TTC7B: variants seen among roughly 807,000 people sequenced by gnomAD.
TTC7B encodes tetratricopeptide repeat domain 7B.
In TTC7B, 28 loss-of-function variants were observed where a neutral mutation model predicts 106.8. The ratio of observed to expected loss-of-function variants is 0.26; its 90% CI spans 0.19 to 0.36. The LOEUF is 0.36. TTC7B is among the 10% of genes least tolerant of loss of function. The pLI, the probability that TTC7B is intolerant of heterozygous loss-of-function variation, is 1.00. For missense variants in TTC7B, 862 were observed against 1,076.4 expected, an observed-to-expected ratio of 0.80 and a Z score of 2.79; for synonymous variants, 405 against 430.6, an observed-to-expected ratio of 0.94 and a Z score of 0.74.
At chr14:90,745,149 C>T (rs960623338) in intron 3 of TTC7B, among the ~76,000 whole-genome samples, 3 of 151,768 alleles carry the variant, frequency 2.0e-5, no homozygotes, top group African/African-American at 4.8e-5. Flanking sequence ...TGACAGCAAC[C>T]GCCAGCTGTG....
In TTC7B at chr14:90,786,389, C is replaced by T; in HGVS notation, c.122-61G>A. ...GAATGGCCTGCATGTAGGACCCCCT[C>T]ACTCAAGGGACCCCAGAACCACCAC... On this transcript the variant is annotated intron_variant, in intron 1 of 19. Coordinates refer to ENST00000328459, the MANE Select transcript of TTC7B (RefSeq NM_001010854.2). 3.1e-6 allele frequency: 5 copies of T among 1,594,378 alleles called. No individual in the cohort carries two copies. In the South Asian group the frequency reaches 5.6e-5, roughly 18 times the overall value.
intron 5 of TTC7B, among the ~76,000 whole-genome samples, chr14:90,716,938 G>A (rs1888679358): frequency 6.6e-6 from 1 of 152,104 alleles, no homozygotes; most frequent in African/African-American, 2.4e-5. Context: ...AAAAGATACA[G>A]CGTGTCCACA....
intron 1 of TTC7B, among the ~76,000 whole-genome samples, chr14:90,799,734 C>CT (rs1464924664): frequency 6.6e-6 from 1 of 152,140 alleles, no homozygotes; most frequent in African/African-American, 2.4e-5. Flanking sequence ...GGCAGGTAAG[C>CT]ACAGACTGTG....
chr14:90,621,663 G>A (rs188291313), intron 15 of TTC7B, among the ~76,000 whole-genome samples: 1 of 152,364 alleles, frequency 6.6e-6, no homozygotes, highest in African/African-American at 2.4e-5. Context: ...ACAATGGGCA[G>A]AAACACCTGC....
chr14:90,775,277 G>A (rs928014002), intron 3 of TTC7B, among the ~76,000 whole-genome samples: 20 of 152,118 alleles, frequency 1.3e-4, no homozygotes, highest in African/African-American at 4.8e-4. Flanking sequence ...CACATTTGTT[G>A]ATCTGCCGGG....
chr14:90,816,359 T>C lies in TTC7B; in HGVS notation c.-64A>G. The C allele has an allele frequency of 1.2e-6, 1 of 866,564 alleles. No individual in the cohort carries two copies. The allele number at this position is 866,564 out of a possible 1,614,324, so 53.7% of individuals were successfully genotyped here. A position where few individuals can be genotyped will look rare whatever the true frequency, so the allele number is the denominator to read the frequency against. ...CCACCGCCGCCGCCGCGGCGCCCCC[T>C]CGCCGCCTCCCGCCGCCGCCGCGGG... On this transcript the variant is annotated 5_prime_UTR_variant, in exon 1 of 20. Coordinates refer to ENST00000328459, the MANE Select transcript of TTC7B (RefSeq NM_001010854.2).
chr14:90,715,650 G>T (rs1463291073), intron 5 of TTC7B, among the ~76,000 whole-genome samples: 1 of 152,148 alleles, frequency 6.6e-6, no homozygotes, highest in Non-Finnish European at 1.5e-5. Context: ...AGGTCACACT[G>T]CTGGTCAACA....
intron 4 of TTC7B, among the ~76,000 whole-genome samples, chr14:90,739,003 C>T (rs919747671): frequency 6.6e-6 from 1 of 152,056 alleles, no homozygotes; most frequent in Non-Finnish European, 1.5e-5. Context: ...CCAGCCTGGG[C>T]GACAGAGCAA....
chr14:90,565,882 C>T (rs2139789529), intron 19 of TTC7B, among the ~76,000 whole-genome samples: 1 of 152,212 alleles, frequency 6.6e-6, no homozygotes, highest in African/African-American at 2.4e-5. Flanking sequence ...GCAGTCAGGA[C>T]CACATTTATT....
chr14:90,652,395 G>T (rs1189812796), intron 13 of TTC7B, among the ~76,000 whole-genome samples: 1 of 151,724 alleles, frequency 6.6e-6, no homozygotes, highest in Non-Finnish European at 1.5e-5. Context: ...GGGGAGTTTG[G>T]GGCTGACTGT....
intron 1 of TTC7B, among the ~76,000 whole-genome samples, chr14:90,801,983 C>T (rs1332186735): frequency 6.6e-6 from 1 of 151,874 alleles, no homozygotes; most frequent in Non-Finnish European, 1.5e-5. Flanking sequence ...ATCGCTTGAA[C>T]CCTGGAGGTG....
chr14:90,609,709 A>G (rs1030774285), intron 17 of TTC7B, among the ~76,000 whole-genome samples: 2 of 152,208 alleles, frequency 1.3e-5, no homozygotes, highest in Non-Finnish European at 2.9e-5. Context: ...GTGGGGGAGA[A>G]GGAACAGGAG....
chr14:90,732,774 G>A (rs948946128), intron 4 of TTC7B, among the ~76,000 whole-genome samples: 12 of 151,884 alleles, frequency 7.9e-5, no homozygotes, highest in Non-Finnish European at 1.8e-4. Context: ...GAGCCACTGC[G>A]CCCAGCTCCT....
At chr14:90,589,400 A>G (rs1192775662) in intron 18 of TTC7B, among the ~76,000 whole-genome samples, 1 of 152,190 alleles carries the variant, frequency 6.6e-6, no homozygotes. Flanking sequence ...AAATTATCCT[A>G]TGCACATCCT....
At position 90,663,024 on chromosome 14, in the gene TTC7B, C is replaced by T. The variant is rs985160451; in HGVS notation, c.1153-4637G>A. 6.6e-6 allele frequency among the ~76,000 whole-genome samples: 1 copy of T among 152,194 alleles called. No homozygotes were observed. The highest frequency in any genetic ancestry group is 2.1e-4 in the South Asian group (1 of 4,836). On this transcript the variant is annotated intron_variant, in intron 9 of 19. Coordinates refer to ENST00000328459, the MANE Select transcript of TTC7B (RefSeq NM_001010854.2). The surrounding 1 kb of genome is among the most constrained non-coding windows in gnomAD (Gnocchi z 4.5). The stretch of plus-strand genomic sequence containing the variant: ...GAGGGCACAACTTTACAGAACTGGA[C>T]CGGAATGTACGCTTATTCTTTATTA...
At chr14:90,586,237 C>T (rs1333636234) in intron 18 of TTC7B, among the ~76,000 whole-genome samples, 1 of 152,188 alleles carries the variant, frequency 6.6e-6, no homozygotes, top group African/African-American at 2.4e-5. Flanking sequence ...GACCACTCCC[C>T]TTCAGATGCT....
Position 90,657,932 on chromosome 14 carries a change from GCAC to G in TTC7B, c.1236+369_1236+371del. The G allele has an allele frequency of 4.0e-6, 1 of 249,532 alleles. No individual in the cohort carries two copies. Among genetic ancestry groups the G allele is most frequent in the South Asian group, 4.8e-5 (1 of 20,776 alleles). The allele number at this position is 249,532 out of a possible 1,614,324, so 15.5% of individuals were successfully genotyped here. ...AGCCCACATTTTCATCCAGTATCAT[GCAC>G]TGCCTAATATAACACATTGCTCAAG... On this transcript the variant is annotated intron_variant, in intron 10 of 19. Coordinates refer to ENST00000328459, the MANE Select transcript of TTC7B (RefSeq NM_001010854.2). The surrounding 1 kb of genome is among the most constrained non-coding windows in gnomAD (Gnocchi z 4.2).
chr14:90,714,964 G>T (rs2139971578), intron 5 of TTC7B, among the ~76,000 whole-genome samples: 1 of 152,140 alleles, frequency 6.6e-6, no homozygotes, highest in South Asian at 2.1e-4. Flanking sequence ...GCTCTCAGCA[G>T]TTTCTCTTGT....
intron 19 of TTC7B, among the ~76,000 whole-genome samples, chr14:90,560,775 C>T (rs771479485): frequency 1.3e-5 from 2 of 152,116 alleles, no homozygotes; most frequent in African/African-American, 2.4e-5. Context: ...GGTGTGTGGG[C>T]GTCTGAGTGG....
Sources: gnomAD v4.1 joint callset for allele counts (sites outside exome capture counted in the v4.1 genomes callset) on GRCh38, gnomAD v4.1.1 for gene constraint, Gnocchi (gnomAD v3.1) non-coding constraint, MANE v1.5 for transcripts, NCBI Gene and HGNC (gene_info 2026-07-23, HGNC 2026-07-21) for gene names.